Variants in CDH18 observed in about 807,000 individuals in gnomAD.
CDH18 encodes the protein cadherin-18.
In CDH18, 31 loss-of-function variants were observed where a neutral mutation model predicts 67.9. The observed-to-expected ratio is 0.46, with a 90% CI of 0.34 to 0.62. The LOEUF (loss-of-function observed/expected upper bound fraction) is 0.62. CDH18 is among the 20% of genes least tolerant of loss of function. CDH18 has a pLI of 0.01. For missense variants in CDH18, 890 were observed against 975.5 expected (o/e 0.91, Z 1.17); for synonymous variants, 362 against 347.2 (o/e 1.04, Z -0.48).
At chr5:19,802,584 G>T (rs923193837) in intron 3 of CDH18, among the ~76,000 whole-genome samples, 1 of 152,042 alleles carries the variant, frequency 6.6e-6, no homozygotes, top group African/African-American at 2.4e-5. Flanking sequence ...GTATATGCTG[G>T]GCATATGTGT....
At position 19,963,638 on chromosome 5, in the gene CDH18, A is replaced by T. The variant is rs1362206387; in HGVS notation, c.-257+17422T>A. Among the ~76,000 whole-genome samples, 9 of 152,096 alleles carry T rather than the reference A, an allele frequency of 5.9e-5. No individual in the cohort carries two copies. The South Asian group carries it at 1.2e-3, about 21-fold the overall frequency. On this transcript the variant is annotated intron_variant, in intron 2 of 12. Transcript: ENST00000382275. ...CATGTTTGCTTCCCCTTCAACCATG[A>T]TTATAAGTTTCCTGAGGCCTCCCCA...
At chr5:19,922,412 T>C (rs1368492147) in intron 2 of CDH18, among the ~76,000 whole-genome samples, 1 of 152,194 alleles carries the variant, frequency 6.6e-6, no homozygotes, top group Non-Finnish European at 1.5e-5. Context: ...TATAGGAGCA[T>C]GAAACTTATT....
At chr5:20,110,520 T>TA (rs1747371958) in intron 2 of CDH18, among the ~76,000 whole-genome samples, 2 of 152,220 alleles carry the variant, frequency 1.3e-5, no homozygotes, top group African/African-American at 4.8e-5. Flanking sequence ...CTATCACTAC[T>TA]AAAAATACAA....
chr5:19,969,560 T>G (rs1448467869), intron 2 of CDH18, among the ~76,000 whole-genome samples: 5 of 150,416 alleles, frequency 3.3e-5, no homozygotes, highest in Non-Finnish European at 1.5e-5. Context: ...TGGATGAAAT[T>G]GGAAATCATC....
intron 2 of CDH18, among the ~76,000 whole-genome samples, chr5:20,058,483 C>T (rs974677807): frequency 2.6e-5 from 4 of 152,032 alleles, no homozygotes; most frequent in South Asian, 2.1e-4. Context: ...TCTCAGGGAA[C>T]GTTATTATTG....
At chr5:19,794,363 G>A (rs999102223) in intron 3 of CDH18, among the ~76,000 whole-genome samples, 5 of 152,016 alleles carry the variant, frequency 3.3e-5, no homozygotes, top group South Asian at 2.1e-4. Context: ...ATGGAGAAAG[G>A]GTGAGTTCTT....
At chr5:20,405,633 C>T (rs113042238) in intron 1 of CDH18, among the ~76,000 whole-genome samples, 62 of 152,182 alleles carry the variant, frequency 4.1e-4, no homozygotes, top group African/African-American at 1.2e-3. Context: ...AAGAAACTAC[C>T]ATCAGAGTGA....
intron 1 of CDH18, among the ~76,000 whole-genome samples, chr5:20,263,063 A>C (rs1697559368): frequency 6.6e-6 from 1 of 150,938 alleles, no homozygotes; most frequent in Admixed American, 6.6e-5. Flanking sequence ...GGATGAAGAG[A>C]GGGAAAAAGA....
intron 3 of CDH18, among the ~76,000 whole-genome samples, chr5:19,804,319 T>A (rs1453055119): frequency 3.3e-5 from 5 of 150,444 alleles, no homozygotes; most frequent in African/African-American, 7.3e-5. Flanking sequence ...AAAAAATAAA[T>A]AAAATAAATA....
chr5:19,961,632 AT>A (rs1796917318), intron 2 of CDH18, among the ~76,000 whole-genome samples: 1 of 152,110 alleles, frequency 6.6e-6, no homozygotes, highest in African/African-American at 2.4e-5. Flanking sequence ...TTCATTATGA[AT>A]ATAATTATTG....
At chr5:20,247,964 A>G (rs1743514291) in intron 2 of CDH18, among the ~76,000 whole-genome samples, 1 of 152,158 alleles carries the variant, frequency 6.6e-6, no homozygotes, top group African/African-American at 2.4e-5. Context: ...AGCTCAAACA[A>G]GACTATACCG....
At chr5:19,890,294 G>C (rs1291800479) in intron 2 of CDH18, among the ~76,000 whole-genome samples, 2 of 151,866 alleles carry the variant, frequency 1.3e-5, no homozygotes, top group Non-Finnish European at 2.9e-5. Flanking sequence ...CAACACTTGT[G>C]ATTACTTCGG....
At chr5:20,519,202 A>G (rs1755568078) in intron 1 of CDH18, among the ~76,000 whole-genome samples, 3 of 152,204 alleles carry the variant, frequency 2.0e-5, no homozygotes, top group African/African-American at 7.2e-5. Flanking sequence ...TTCCTACAAA[A>G]TATTAGTTTG....
intron 2 of CDH18, among the ~76,000 whole-genome samples, chr5:19,920,298 A>G (rs1792286046): frequency 6.6e-6 from 1 of 152,216 alleles, no homozygotes; most frequent in African/African-American, 2.4e-5. Context: ...ATAATCAATA[A>G]CAGAAACAGA....
chr5:19,648,741 A>G (rs890151499), intron 5 of CDH18, among the ~76,000 whole-genome samples: 2 of 152,044 alleles, frequency 1.3e-5, no homozygotes, highest in African/African-American at 4.8e-5. Flanking sequence ...CTTCGAACCA[A>G]TATTATAATA....
chr5:20,348,351 A>T (rs756126595), intron 1 of CDH18, among the ~76,000 whole-genome samples: 2 of 152,142 alleles, frequency 1.3e-5, no homozygotes, highest in Non-Finnish European at 2.9e-5. Flanking sequence ...TACAAGAGAA[A>T]ATACTAATGC....
chr5:19,549,781 GAAGA>G (rs1293581050), intron 8 of CDH18, among the ~76,000 whole-genome samples: 4 of 119,898 alleles, frequency 3.3e-5, no homozygotes, highest in African/African-American at 9.6e-5. Flanking sequence ...AGAAAGAAAG[GAAGA>G]AAGAAAGGAA....
chr5:19,639,824 C>A (rs761245898), intron 5 of CDH18, among the ~76,000 whole-genome samples: 45 of 152,204 alleles, frequency 3.0e-4, no homozygotes, highest in Non-Finnish European at 4.9e-4. Flanking sequence ...GCATTGCAAT[C>A]AAATTGTACA....
chr5:20,259,123 T>C (rs1168416036), intron 1 of CDH18, among the ~76,000 whole-genome samples: 1 of 152,098 alleles, frequency 6.6e-6, no homozygotes, highest in South Asian at 2.1e-4. Flanking sequence ...CTGGAAGGAT[T>C]TGAAGAAGCA....
Sources: gnomAD v4.1 joint callset for allele counts (sites outside exome capture counted in the v4.1 genomes callset) on GRCh38, gnomAD v4.1.1 for gene constraint, MANE v1.5 for transcripts, NCBI Gene and HGNC (gene_info 2026-07-23, HGNC 2026-07-21) for gene names.